The following TRPV4 variants were observed in gnomAD, a reference collection of about 807,000 sequenced individuals.
The protein encoded by TRPV4 is transient receptor potential cation channel subfamily V member 4, also known as OSM9-like transient receptor potential channel 4.
In TRPV4, 58 loss-of-function variants were observed where a neutral mutation model predicts 84.1. The ratio of observed to expected loss-of-function variants is 0.69; its 90% CI spans 0.56 to 0.86. TRPV4 has a LOEUF of 0.86. TRPV4 is among the 40% of genes least tolerant of loss of function. The pLI is 0.00. For synonymous variants in TRPV4, 489 were observed against 500.9 expected (o/e 0.98, Z 0.32); for missense variants, 879 against 1,181.1 (o/e 0.74, Z 3.75).
chr12:109,816,205 G>T (rs990347116), intron 1 of TRPV4, among the ~76,000 whole-genome samples: 1 of 152,226 alleles, frequency 6.6e-6, no homozygotes, highest in Non-Finnish European at 1.5e-5. Context: ...GCCTCCCTTA[G>T]TGGGCGCAGC....
chr12:109,808,214 TGAGGGGAAAGGG>T (rs1415739665), intron 3 of TRPV4, 70 bp downstream of exon 3: 1 of 1,522,700 alleles, frequency 6.6e-7, no homozygotes, highest in East Asian at 2.3e-5. Flanking sequence ...AGAAAGAAGC[TGAGGGGAAAGGG>T]GGCCCCCAAT....
In TRPV4 at chr12:109,786,942, G is replaced by C. The variant is rs1450525427; in HGVS notation, c.2209-105C>G. 23 of 1,523,868 alleles carry C rather than the reference G, an allele frequency of 1.5e-5. No homozygotes were observed. In the East Asian group the frequency reaches 4.9e-4, roughly 32 times the overall value. The allele number at this position is 1,523,868 out of a possible 1,614,324, so 94.4% of individuals were successfully genotyped here. A position where few individuals can be genotyped will look rare whatever the true frequency, so the allele number is the denominator to read the frequency against. ...ACGGGCCAGGGTGGGCCCAGAACTA[G>C]GCATTTAGACTCCTACTCCCCACTA... On this transcript the variant is annotated intron_variant, in intron 13 of 15. Transcript: ENST00000261740. The surrounding 1 kb of genome is among the most constrained non-coding windows in gnomAD (Gnocchi z 4.5).
chr12:109,796,239 A>G lies in TRPV4; in HGVS notation c.1332+286T>C, dbSNP rs575955956. On this transcript the variant is annotated intron_variant, in intron 7 of 15. Transcript: ENST00000261740. The surrounding 1 kb of genome is among the most constrained non-coding windows in gnomAD (Gnocchi z 4.2). ...AAGAAGCTGAGACCCAGAGAGGTGG[A>G]GCCACTTGTCCTGAGACACACAGCA... Among the ~76,000 whole-genome samples, 2 of 152,324 alleles carry G rather than the reference A, an allele frequency of 1.3e-5. No individual in the cohort carries two copies. The highest frequency in any genetic ancestry group is 3.9e-4 in the East Asian group (2 of 5,188).
At chr12:109,790,462 G>A (rs564788278) in intron 12 of TRPV4, among the ~76,000 whole-genome samples, 2 of 152,320 alleles carry the variant, frequency 1.3e-5, no homozygotes, top group East Asian at 1.9e-4. Flanking sequence ...ACATCACGAA[G>A]AAGGTATATC....
In TRPV4 at chr12:109,786,587, G is replaced by C; in HGVS notation, c.2336+123C>G. On this transcript the variant is annotated intron_variant, in intron 14 of 15. Transcript: ENST00000261740. The surrounding 1 kb of genome is among the most constrained non-coding windows in gnomAD (Gnocchi z 4.5). The stretch of plus-strand genomic sequence containing the variant: ...GCCTGGTGGAAATGAACTCTGCTCG[G>C]GCCTCTTGGGGCCTCAGTGGCTCCA... 1 of 1,293,156 alleles carries C rather than the reference G, an allele frequency of 7.7e-7. No homozygotes were observed. Among genetic ancestry groups the C allele is most frequent in the South Asian group, 1.3e-5 (1 of 78,118 alleles). The allele number at this position is 1,293,156 out of a possible 1,614,324, so 80.1% of individuals were successfully genotyped here. A position where few individuals can be genotyped will look rare whatever the true frequency, so the allele number is the denominator to read the frequency against.
rs10850750 is a variant in TRPV4, at chr12:109,793,912, C to T, written c.1584+18G>A. 4.2e-5 allele frequency: 67 copies of T among 1,586,436 alleles called. No homozygotes were observed. Among genetic ancestry groups the T allele is most frequent in the Admixed American group, 8.8e-5 (5 of 56,708 alleles). On this transcript the variant is annotated intron_variant, in intron 9 of 15. Transcript: ENST00000261740. This position sits in a 1 kb window ranked among gnomAD's most constrained non-coding sequence, Gnocchi z 4.0. The stretch of plus-strand genomic sequence containing the variant: ...AGGAGGGCAGGCAGGGTGGGGGGCA[C>T]GGGGGCCAGGCACTTACGTTGGTGA...
intron 3 of TRPV4, among the ~76,000 whole-genome samples, chr12:109,804,062 G>A (rs1890976313): frequency 6.6e-6 from 1 of 152,158 alleles, no homozygotes; most frequent in East Asian, 1.9e-4. Flanking sequence ...GGATCCAGGA[G>A]AGAATCTTGG....
intron 1 of TRPV4, among the ~76,000 whole-genome samples, chr12:109,820,900 A>C (rs1293085714): frequency 6.6e-6 from 1 of 152,138 alleles, no homozygotes; most frequent in Non-Finnish European, 1.5e-5. Flanking sequence ...TGGCATAAAG[A>C]AAGCCTCAAT....
chr12:109,800,409 T>TGCCA (rs767657893), intron 5 of TRPV4, among the ~76,000 whole-genome samples: 90,164 of 151,760 alleles, frequency 0.59, 27,729 homozygotes, highest in East Asian at 0.96. Context: ...AGGTCCATGG[T>TGCCA]ACTCCCCATG....
chr12:109,821,508 C>G (rs932916968), intron 1 of TRPV4, among the ~76,000 whole-genome samples: 2 of 151,868 alleles, frequency 1.3e-5, no homozygotes, highest in Non-Finnish European at 2.9e-5. Context: ...CTTTACAGCA[C>G]TTCCCACGAT....
At chr12:109,791,476 C>A (rs1037095644) in intron 12 of TRPV4, among the ~76,000 whole-genome samples, 2 of 150,090 alleles carry the variant, frequency 1.3e-5, no homozygotes, top group Non-Finnish European at 1.5e-5. Context: ...TGCCATTCAC[C>A]AGCTTTTTTT....
intron 5 of TRPV4, among the ~76,000 whole-genome samples, chr12:109,799,186 T>C (rs1338982799): frequency 1.3e-5 from 2 of 149,792 alleles, no homozygotes; most frequent in East Asian, 4.0e-4. Flanking sequence ...AAAGTCTCAC[T>C]CTGTCGCCTA....
chr12:109,831,688 T>TG (rs776797625), intron 1 of TRPV4, among the ~76,000 whole-genome samples: 33 of 152,204 alleles, frequency 2.2e-4, no homozygotes, highest in Non-Finnish European at 4.0e-4. Context: ...GGGTTTCACC[T>TG]GGGGAATCCC....
In TRPV4 at chr12:109,794,395, C is replaced by G; in HGVS notation, c.1425G>C (p.Val475=). The change falls in exon 8 of 16, where the codon GTG becomes GTC. Residue 475 remains valine (V), a synonymous_variant. Transcript: ENST00000261740. ...TGACCATGGCACACAGGTAGGAGAC[C>G]ACGTTGATGTAGAAGGAGACGGCCC... is the stretch of plus-strand genomic sequence containing the variant. ...KFGAVSFYIN[V]VSYLCAMVIF... 1 of 1,613,940 alleles carries G rather than the reference C, an allele frequency of 6.2e-7. No individual in the cohort carries two copies. The highest frequency in any genetic ancestry group is 8.5e-7 in the Non-Finnish European group (1 of 1,180,036).
intron 5 of TRPV4, 75 bp downstream of exon 5, chr12:109,800,543 A>T: frequency 6.3e-7 from 1 of 1,581,612 alleles, no homozygotes. Flanking sequence ...AGGGCTGCAG[A>T]CACCAACCAG....
At chr12:109,820,304 G>A (rs28619554) in intron 1 of TRPV4, among the ~76,000 whole-genome samples, 41,955 of 151,758 alleles carry the variant, frequency 0.28, 6,537 homozygotes, top group East Asian at 0.7. Flanking sequence ...ACAGGGCTGA[G>A]CCAGGGTCCC....
Position 109,807,393 on chromosome 12 carries a change from CT to C in TRPV4, c.559+902del, listed in dbSNP as rs377690733. On this transcript the variant is annotated intron_variant, in intron 3 of 15. Coordinates refer to ENST00000261740, the MANE Select transcript of TRPV4 (RefSeq NM_021625.5). ...CTTCTTCATAGCAGGTATCACAATT[CT>C]TTTTTTTTTTTTTTTCCTGTCTGTC... Among the ~76,000 whole-genome samples, 735 of 135,018 alleles carry C rather than the reference CT, an allele frequency of 5.4e-3. 2 individuals carry two copies. Among genetic ancestry groups the C allele is most frequent in the Admixed American group, 1.0e-2 (133 of 13,310 alleles). 88.6% of individuals were successfully genotyped at this position (135,018 alleles called of 152,430 possible).
intron 2 of TRPV4, among the ~76,000 whole-genome samples, chr12:109,813,742 G>T (rs946521289): frequency 2.0e-5 from 3 of 151,856 alleles, no homozygotes; most frequent in African/African-American, 4.8e-5. Flanking sequence ...ATGGATGATG[G>T]GTGGATAGAT....
chr12:109,801,718 T>C (rs932331634), intron 4 of TRPV4, among the ~76,000 whole-genome samples: 1 of 151,924 alleles, frequency 6.6e-6, no homozygotes, highest in Non-Finnish European at 1.5e-5. Flanking sequence ...TGGTCCCAGC[T>C]ACTTGGGAGG....
Sources: gnomAD v4.1 joint callset for allele counts (sites outside exome capture counted in the v4.1 genomes callset) on GRCh38, gnomAD v4.1.1 for gene constraint, Gnocchi (gnomAD v3.1) non-coding constraint, MANE v1.5 for transcripts, NCBI Gene and HGNC (gene_info 2026-07-23, HGNC 2026-07-21) for gene names.